Variants in UNC13C observed in about 807,000 individuals in gnomAD.
UNC13C encodes protein unc-13 homolog C.
In UNC13C, 174 loss-of-function variants were observed where a neutral mutation model predicts 245.4. The observed-to-expected ratio is 0.71, with a 90% confidence interval of 0.63 to 0.80. The LOEUF (loss-of-function observed/expected upper bound fraction) is 0.80, where lower values mean the gene tolerates loss of function less well. UNC13C is among the 30% of genes least tolerant of loss of function. The pLI, the probability that UNC13C is intolerant of heterozygous loss-of-function variation, is 0.00. For synonymous variants in UNC13C, 992 were observed against 895.1 expected, an observed-to-expected ratio of 1.11 and a Z score of -1.93; for missense variants, 2,829 against 2,602.9, an observed-to-expected ratio of 1.09 and a Z score of -1.89.
intron 17 of UNC13C, among the ~76,000 whole-genome samples, chr15:54,363,952 C>T (rs942002271): frequency 6.6e-6 from 1 of 152,142 alleles, no homozygotes; most frequent in African/African-American, 2.4e-5. Flanking sequence ...AAAAGCCCAA[C>T]AAGTGTCATA....
At chr15:54,271,599 G>A (rs1401606165) in intron 10 of UNC13C, among the ~76,000 whole-genome samples, 1 of 152,162 alleles carries the variant, frequency 6.6e-6, no homozygotes, top group Non-Finnish European at 1.5e-5. Context: ...TATAGTTGAG[G>A]CCTTGGTGCC....
chr15:54,164,300 A>G (rs935443883), intron 4 of UNC13C, among the ~76,000 whole-genome samples: 1 of 152,226 alleles, frequency 6.6e-6, no homozygotes, highest in Admixed American at 6.5e-5. Flanking sequence ...TTTATGCTCC[A>G]TCTTTTTAAA....
intron 2 of UNC13C, among the ~76,000 whole-genome samples, chr15:54,111,069 CT>C (rs1467236822): frequency 6.6e-6 from 1 of 152,198 alleles, no homozygotes; most frequent in African/African-American, 2.4e-5. Context: ...AGAGAAAATA[CT>C]TTTCCTTCTT....
chr15:54,093,181 A>G (rs1468016901), intron 2 of UNC13C, among the ~76,000 whole-genome samples: 1 of 103,514 alleles, frequency 9.7e-6, no homozygotes, highest in Non-Finnish European at 2.3e-5. Context: ...GGTGCTAAAA[A>G]ATGTAAATTA....
chr15:53,929,372 C>T, the UNC13C span, among the ~76,000 whole-genome samples: 4 of 152,126 alleles, frequency 2.6e-5, no homozygotes, highest in African/African-American at 9.7e-5. Context: ...ATTTTTACCT[C>T]ATTGTACCAT....
intron 2 of UNC13C, among the ~76,000 whole-genome samples, chr15:54,043,279 CAG>C (rs987307544): frequency 5.9e-5 from 9 of 152,186 alleles, no homozygotes; most frequent in African/African-American, 2.2e-4. Context: ...ATGCAACAGA[CAG>C]AGAATTTGGG....
rs971369022 is a variant in UNC13C at position 54,626,465 on chromosome 15, C to T, written c.6360-363C>T. On this transcript the variant is annotated intron_variant, in intron 32 of 32. Transcript: ENST00000260323. ...GATATTGAAATGGGGAGGTAAAGTG[C>T]GAGTAGTAACTGATATTGAAATGGC... Among the ~76,000 whole-genome samples, 13 of 149,198 alleles carry T rather than the reference C, an allele frequency of 8.7e-5. No homozygotes were observed. In the East Asian group the frequency reaches 1.2e-3, roughly 13 times the overall value.
At chr15:54,455,231 A>ATATATATATATATATG (rs1891440972) in intron 19 of UNC13C, among the ~76,000 whole-genome samples, 1 of 95,200 alleles carries the variant, frequency 1.1e-5, no homozygotes, top group Admixed American at 1.3e-4. Context: ...ATATATATAT[A>ATATATATATATATATG]TATATATGTT....
chr15:54,562,861 T>C (rs1402660878), intron 29 of UNC13C, among the ~76,000 whole-genome samples: 4 of 152,032 alleles, frequency 2.6e-5, no homozygotes, highest in African/African-American at 4.8e-5. Flanking sequence ...AGAATGAACT[T>C]AATATACCAG....
intron 30 of UNC13C, among the ~76,000 whole-genome samples, chr15:54,586,262 T>TACCACTA (rs1898486645): frequency 6.6e-6 from 1 of 152,236 alleles, no homozygotes; most frequent in Non-Finnish European, 1.5e-5. Context: ...ATATTAGTCA[T>TACCACTA]ATATTCCTTA....
At chr15:53,849,814 G>A in the UNC13C span, among the ~76,000 whole-genome samples, 1 of 152,236 alleles carries the variant, frequency 6.6e-6, no homozygotes, top group African/African-American at 2.4e-5. Context: ...TGGCAACTAA[G>A]GGCTCTGGGC....
intron 4 of UNC13C, among the ~76,000 whole-genome samples, chr15:54,178,256 C>A (rs1343209757): frequency 6.6e-6 from 1 of 151,578 alleles, no homozygotes; most frequent in African/African-American, 2.4e-5. Flanking sequence ...TGTAGGGAAC[C>A]CCTGTAAAAA....
At chr15:54,299,387 T>A (rs1032278245) in intron 12 of UNC13C, among the ~76,000 whole-genome samples, 3 of 152,184 alleles carry the variant, frequency 2.0e-5, no homozygotes, top group Non-Finnish European at 4.4e-5. Flanking sequence ...CTCTTACCAT[T>A]TTGCAGCCCA....
chr15:54,185,469 AG>A (rs1409663244), intron 4 of UNC13C, among the ~76,000 whole-genome samples: 1 of 150,334 alleles, frequency 6.7e-6, no homozygotes, highest in Non-Finnish European at 1.5e-5. Context: ...GAAGGAATCG[AG>A]TTTCAGCTTT....
At chr15:54,034,669 C>T (rs1896498768) in intron 2 of UNC13C, among the ~76,000 whole-genome samples, 1 of 152,164 alleles carries the variant, frequency 6.6e-6, no homozygotes, top group African/African-American at 2.4e-5. Context: ...TATCATCTTG[C>T]ATGCATACTA....
chr15:54,347,314 C>A (rs1481568821), intron 17 of UNC13C, among the ~76,000 whole-genome samples: 1 of 152,096 alleles, frequency 6.6e-6, no homozygotes, highest in African/African-American at 2.4e-5. Context: ...CCACACCTAC[C>A]CTGAGATCAA....
chr15:54,375,270 A>C (rs1446920720), intron 17 of UNC13C, among the ~76,000 whole-genome samples: 2 of 152,230 alleles, frequency 1.3e-5, no homozygotes, highest in Non-Finnish European at 2.9e-5. Context: ...AAAATTTCTA[A>C]TCTACCTTGC....
At chr15:54,309,280 C>T (rs1450319698) in intron 13 of UNC13C, among the ~76,000 whole-genome samples, 1 of 151,784 alleles carries the variant, frequency 6.6e-6, no homozygotes, top group Non-Finnish European at 1.5e-5. Flanking sequence ...TTTTCATATA[C>T]TATTGGGCAT....
intron 17 of UNC13C, among the ~76,000 whole-genome samples, chr15:54,360,494 A>G (rs1567214415): frequency 6.6e-6 from 1 of 152,094 alleles, no homozygotes; most frequent in Non-Finnish European, 1.5e-5. Context: ...TTGGGTACAT[A>G]TAGATTTAAA....
Sources: allele counts gnomAD v4.1 joint callset (sites outside exome capture counted in the v4.1 genomes callset), GRCh38; gene constraint gnomAD v4.1.1; transcripts MANE v1.5; gene names NCBI Gene and HGNC (gene_info 2026-07-23, HGNC 2026-07-21).